The following MAGED1 variants were observed in gnomAD, a reference collection of about 807,000 sequenced individuals.
MAGED1 encodes MAGE family member D1.
Under a neutral mutation model 54.1 loss-of-function variants are expected in MAGED1, and 3 were observed. The observed-to-expected ratio is 0.06, with a 90% confidence interval of 0.03 to 0.14. The LOEUF is 0.14. MAGED1 is among the 10% of genes least tolerant of loss of function. The probability of loss-of-function intolerance (pLI) is 1.00; values close to 1 mark genes in which losing one functional copy is unlikely to be tolerated. For missense variants in MAGED1, 485 were observed against 623.4 expected, an observed-to-expected ratio of 0.78 and a Z score of 2.36; for synonymous variants, 217 against 227.3, an observed-to-expected ratio of 0.95 and a Z score of 0.41.
intron 1 of MAGED1, among the ~76,000 whole-genome samples, chrX:51,811,674 G>A (rs1186205259): frequency 9.0e-6 from 1 of 111,690 alleles, no homozygotes; most frequent in African/African-American, 3.3e-5. Context: ...TAAAGGGGAA[G>A]TGGGAGTAGA....
upstream of MAGED1, among the ~76,000 whole-genome samples, chrX:51,888,935 A>C (rs1682406097): frequency 8.9e-6 from 1 of 111,938 alleles, no homozygotes; most frequent in Non-Finnish European, 1.9e-5. Flanking sequence ...AGAGATGGAG[A>C]ACACATTAGT....
chrX:51,830,599 G>T (rs1334435484), intron 1 of MAGED1, among the ~76,000 whole-genome samples: 1 of 109,816 alleles, frequency 9.1e-6, no homozygotes, highest in Admixed American at 9.7e-5. Flanking sequence ...CAGAAATCTG[G>T]AGGAGAAATT....
At chrX:51,853,037 C>T (rs952507764) in intron 1 of MAGED1, among the ~76,000 whole-genome samples, 72 of 111,456 alleles carry the variant, frequency 6.5e-4, no homozygotes, top group African/African-American at 2.1e-3. Flanking sequence ...TTTGTACTTT[C>T]CGCCCTTTTG....
chrX:51,839,245 A>G (rs1926367128), intron 1 of MAGED1, among the ~76,000 whole-genome samples: 1 of 111,913 alleles, frequency 8.9e-6, no homozygotes, highest in African/African-American at 3.2e-5. Context: ...ATCTCAATCT[A>G]TCAAGTCTCA....
intron 1 of MAGED1, among the ~76,000 whole-genome samples, chrX:51,887,964 T>C (rs1461511498): frequency 2.7e-5 from 3 of 110,775 alleles, no homozygotes; most frequent in Non-Finnish European, 5.7e-5. Flanking sequence ...ATAAAATACA[T>C]GAACTCTCAA....
chrX:51,876,245 T>G (rs781843703), intron 1 of MAGED1, among the ~76,000 whole-genome samples: 1 of 110,620 alleles, frequency 9.0e-6, no homozygotes, highest in Non-Finnish European at 1.9e-5. Flanking sequence ...TTTTTTTTTT[T>G]TTCTTTTCAC....
At chrX:51,828,847 A>G (rs1213863439) in intron 1 of MAGED1, among the ~76,000 whole-genome samples, 1 of 111,503 alleles carries the variant, frequency 9.0e-6, no homozygotes, top group East Asian at 2.8e-4. Context: ...AACAAAAATA[A>G]CATTTTAACA....
chrX:51,869,562 A>AT (rs1339094213), intron 1 of MAGED1, among the ~76,000 whole-genome samples: 8 of 109,556 alleles, frequency 7.3e-5, no homozygotes, highest in Admixed American at 9.7e-5. Context: ...TTCATTTTTA[A>AT]TTTTTTTTTA....
intron 1 of MAGED1, among the ~76,000 whole-genome samples, chrX:51,825,807 T>C: frequency 8.9e-6 from 1 of 112,287 alleles, no homozygotes; most frequent in East Asian, 2.8e-4. Flanking sequence ...ATATCAGAAC[T>C]CTTCAAATCC....
intron 1 of MAGED1, among the ~76,000 whole-genome samples, chrX:51,812,554 C>T (rs1185692785): frequency 9.0e-6 from 1 of 111,683 alleles, no homozygotes; most frequent in Non-Finnish European, 1.9e-5. Flanking sequence ...ATAGTGTTTT[C>T]AAAGTTTATC....
chrX:51,806,543 T>C (rs1460115574), intron 1 of MAGED1, among the ~76,000 whole-genome samples: 1 of 111,905 alleles, frequency 8.9e-6, no homozygotes, highest in African/African-American at 3.2e-5. Context: ...TGCTATTCCA[T>C]TGTATGAATG....
intron 1 of MAGED1, among the ~76,000 whole-genome samples, chrX:51,851,347 G>A (rs1240489131): frequency 1.8e-5 from 2 of 111,721 alleles, no homozygotes; most frequent in Middle Eastern, 4.6e-3. Context: ...TGCCTAATTT[G>A]CCGGAATAAA....
At position 51,894,464 on chromosome X, in the gene MAGED1, C is replaced by T; in HGVS notation, c.45+115C>T. On this transcript the variant is annotated intron_variant, in intron 2 of 12. Coordinates refer to ENST00000326587, the MANE Select transcript of MAGED1 (RefSeq NM_006986.4). Reference sequence around the variant, plus strand: ...GGTTTGACCCTATTTAGTGACTAGACTCCGTGGGCTTTTCGAATTCCCATC... The same window carrying T: ...GGTTTGACCCTATTTAGTGACTAGATTCCGTGGGCTTTTCGAATTCCCATC... 4 of 844,081 alleles carry T rather than the reference C, an allele frequency of 4.7e-6. No homozygotes were observed. The South Asian group carries it at 9.0e-5, about 19-fold the overall frequency. 69.6% of individuals were successfully genotyped at this position (844,081 alleles called of 1,213,427 possible).
intron 1 of MAGED1, among the ~76,000 whole-genome samples, chrX:51,854,102 A>G (rs1294089174): frequency 3.6e-5 from 4 of 111,833 alleles, no homozygotes; most frequent in Non-Finnish European, 7.5e-5. Flanking sequence ...TTATCTCTCA[A>G]GGTCAAGACC....
rs782258242 is a variant in MAGED1 at position 51,897,145 on chromosome X, T to C, written c.1423-63T>C. ...CTTTTCTTTGTCATCCTCTCATCTG[T>C]AATTCAACCAAGTTTTTTTGTAAAT... On this transcript the variant is annotated intron_variant, in intron 4 of 12. Transcript: ENST00000326587. The C allele has an allele frequency of 6.7e-6, 8 of 1,196,122 alleles. No homozygotes were observed. The African/African-American group carries it at 1.1e-4, about 16-fold the overall frequency.
At chrX:51,823,556 G>T (rs1382623884) in intron 1 of MAGED1, among the ~76,000 whole-genome samples, 2 of 111,016 alleles carry the variant, frequency 1.8e-5, no homozygotes, top group Non-Finnish European at 3.8e-5. Context: ...GTATAGTTGG[G>T]CCATAACTTT....
chrX:51,895,365 A>G lies in MAGED1; in HGVS notation c.358A>G (p.Lys120Glu), dbSNP rs781837717. ...CTTTAAGTCCCAAAATGCTACCCCAAAGGGTCCAAATGCTGCCTATGATTT... is the reference window on the plus strand; with the variant it reads ...CTTTAAGTCCCAAAATGCTACCCCAGAGGGTCCAAATGCTGCCTATGATTT... ...AAFKSQNATP[K>E]GPNAAYDFSQ... The change falls in exon 3 of 13, where the codon AAG becomes GAG. Residue 120 changes from lysine to glutamate, a missense_variant. By Grantham distance (56) the Lys-to-Glu change is moderately conservative. Coordinates refer to ENST00000326587, the MANE Select transcript of MAGED1 (RefSeq NM_006986.4). The G allele has an allele frequency of 8.3e-7, 1 of 1,206,887 alleles. No individual in the cohort carries two copies. The highest frequency in any genetic ancestry group is 1.7e-5 in the African/African-American group (1 of 57,228).
intron 1 of MAGED1, among the ~76,000 whole-genome samples, chrX:51,872,025 GTGA>G (rs1927696267): frequency 8.9e-6 from 1 of 112,293 alleles, no homozygotes; most frequent in African/African-American, 3.2e-5. Flanking sequence ...CTGATGGCCA[GTGA>G]TGATGAGCAT....
Position 51,806,163 on chromosome X carries a change from G to A in MAGED1, c.-37+3046G>A, listed in dbSNP as rs781886847. ...TAACTTTTTTACTTTTAGTAGAGAC[G>A]GGGTTTCACCATGTTGGCCAAGCTG... On this transcript the variant is annotated intron_variant, in intron 1 of 12. Coordinates refer to the MAGED1 transcript ENST00000375772. 3.4e-3 allele frequency among the ~76,000 whole-genome samples: 364 copies of A among 107,852 alleles called. 3 individuals carry two copies. The highest frequency in any genetic ancestry group is 4.9e-3 in the Non-Finnish European group (254 of 52,135). 93.7% of individuals were successfully genotyped at this position (107,852 alleles called of 115,157 possible). A position where few individuals can be genotyped will look rare whatever the true frequency, so the allele number is the denominator to read the frequency against.
Sources: gnomAD v4.1 joint callset for allele counts (sites outside exome capture counted in the v4.1 genomes callset) on GRCh38, gnomAD v4.1.1 for gene constraint, MANE v1.5 for transcripts, NCBI Gene and HGNC (gene_info 2026-07-23, HGNC 2026-07-21) for gene names.